Variants in ELP4 observed in about 807,000 individuals in gnomAD.
ELP4 encodes elongator acetyltransferase complex subunit 4, also known as elongator complex protein 4.
Under a neutral mutation model 48.9 loss-of-function variants are expected in ELP4, and 51 were observed. The ratio of observed to expected loss-of-function variants is 1.04; its 90% confidence interval spans 0.83 to 1.32. ELP4 has a LOEUF of 1.32. Ranked by LOEUF, ELP4 falls within the 40% of genes most tolerant of loss-of-function variation. The probability of loss-of-function intolerance (pLI) is 0.00; values close to 1 mark genes in which losing one functional copy is unlikely to be tolerated. For missense variants in ELP4, 519 were observed against 514.6 expected, an observed-to-expected ratio of 1.01 and a Z score of -0.08; for synonymous variants, 210 against 189.2, an observed-to-expected ratio of 1.11 and a Z score of -0.90.
chr11:31,512,192 A>G (rs1956022547), intron 1 of ELP4: 2 of 152,204 alleles, frequency 1.3e-5, no homozygotes, highest in Admixed American at 1.3e-4. Flanking sequence ...GGTAATGATA[A>G]TAGGATGTTA....
At chr11:31,654,577 T>A (rs1014443606) in intron 9 of ELP4, 22 of 151,846 alleles carry the variant, frequency 1.4e-4, no homozygotes, top group African/African-American at 5.3e-4. Flanking sequence ...ATAATTATAT[T>A]GCCATATAAC....
At chr11:31,606,455 C>T (rs1441585065) in intron 5 of ELP4, among the ~76,000 whole-genome samples, 1 of 151,908 alleles carries the variant, frequency 6.6e-6, no homozygotes, top group African/African-American at 2.4e-5. Context: ...TCTGAAGGTG[C>T]TCTTAAAACA....
At chr11:31,623,375 AT>A (rs1565084172) in intron 5 of ELP4, among the ~76,000 whole-genome samples, 11 of 112,934 alleles carry the variant, frequency 9.7e-5, no homozygotes, top group African/African-American at 1.4e-4. Context: ...ATATATATAT[AT>A]ATATATATAT....
chr11:31,662,445 A>ATGT (rs971356502), intron 9 of ELP4: 77 of 393,922 alleles, frequency 2.0e-4, no homozygotes, highest in East Asian at 1.1e-3. Context: ...ATCCAGCTCC[A>ATGT]TGTTGTTGTT....
intron 5 of ELP4, among the ~76,000 whole-genome samples, chr11:31,608,214 C>T (rs929036431): frequency 5.3e-5 from 8 of 151,708 alleles, no homozygotes; most frequent in Non-Finnish European, 7.4e-5. Flanking sequence ...GGTCGATTAC[C>T]GTATAGTGGG....
intron 9 of ELP4, among the ~76,000 whole-genome samples, chr11:31,782,929 AC>A (rs1948411345): frequency 6.6e-6 from 1 of 152,228 alleles, no homozygotes; most frequent in Non-Finnish European, 1.5e-5. Flanking sequence ...ATAGACAAAG[AC>A]AAACAAGTAT....
chr11:31,707,598 T>G (rs1325763477), intron 9 of ELP4, among the ~76,000 whole-genome samples: 1 of 152,182 alleles, frequency 6.6e-6, no homozygotes, highest in African/African-American at 2.4e-5. Context: ...GTGACTAATT[T>G]TATATTATTT....
intron 9 of ELP4, among the ~76,000 whole-genome samples, chr11:31,674,850 C>G (rs1420929427): frequency 6.6e-6 from 1 of 152,154 alleles, no homozygotes; most frequent in East Asian, 1.9e-4. Flanking sequence ...AATTAACATT[C>G]TGTCCATATT....
intron 9 of ELP4, among the ~76,000 whole-genome samples, chr11:31,735,773 A>G (rs1302339723): frequency 1.4e-4 from 21 of 152,284 alleles, no homozygotes; most frequent in Non-Finnish European, 2.6e-4. Flanking sequence ...TACAAGAGAT[A>G]TGAAGGACCT....
At chr11:31,567,918 G>T (rs894157974) in intron 3 of ELP4, among the ~76,000 whole-genome samples, 16 of 152,174 alleles carry the variant, frequency 1.1e-4, no homozygotes, top group African/African-American at 3.9e-4. Flanking sequence ...ACAGGTTGGG[G>T]TGACTGTGGT....
At chr11:31,692,063 A>G (rs1360559367) in intron 9 of ELP4, among the ~76,000 whole-genome samples, 1 of 152,156 alleles carries the variant, frequency 6.6e-6, no homozygotes, top group Non-Finnish European at 1.5e-5. Context: ...TGGTTTTCAA[A>G]TTTTTAAGCT....
chr11:31,510,762 G>A, intron 1 of ELP4: 1 of 176,530 alleles, frequency 5.7e-6, no homozygotes, highest in Middle Eastern at 2.4e-3. Context: ...AATTTTTTAT[G>A]AGAAGCCTGC....
At chr11:31,599,200 G>A (rs1159503398) in intron 4 of ELP4, 4 of 152,104 alleles carry the variant, frequency 2.6e-5, no homozygotes, top group Admixed American at 1.3e-4. Flanking sequence ...ATTAAACTGA[G>A]CTAAGACACA....
intron 3 of ELP4, among the ~76,000 whole-genome samples, chr11:31,560,700 A>G (rs1457967317): frequency 6.8e-6 from 1 of 147,644 alleles, no homozygotes; most frequent in Non-Finnish European, 1.5e-5. Context: ...TTATATATAT[A>G]TAAAACAACG....
At chr11:31,734,079 T>A (rs544107045) in intron 9 of ELP4, among the ~76,000 whole-genome samples, 19 of 152,318 alleles carry the variant, frequency 1.2e-4, no homozygotes, top group African/African-American at 4.6e-4. Context: ...CATTATTGAA[T>A]TTGATACATC....
At chr11:31,516,771 C>T (rs1344024185) in intron 1 of ELP4, among the ~76,000 whole-genome samples, 2 of 152,030 alleles carry the variant, frequency 1.3e-5, no homozygotes, top group Admixed American at 6.6e-5. Flanking sequence ...GGATTATAGC[C>T]GTGAGCCACT....
intron 2 of ELP4, among the ~76,000 whole-genome samples, chr11:31,539,348 C>T (rs1956555983): frequency 1.3e-5 from 2 of 152,056 alleles, no homozygotes; most frequent in South Asian, 4.2e-4. Flanking sequence ...GCCTGCTACT[C>T]GGGAGGCTGA....
chr11:31,582,353 A>C (rs771340753), intron 3 of ELP4, among the ~76,000 whole-genome samples: 20 of 152,102 alleles, frequency 1.3e-4, no homozygotes, highest in Non-Finnish European at 2.6e-4. Context: ...ATTATTATTG[A>C]TCTTTTATTC....
chr11:31,667,397 A>T (rs1945703220), intron 9 of ELP4, among the ~76,000 whole-genome samples: 1 of 152,216 alleles, frequency 6.6e-6, no homozygotes, highest in Non-Finnish European at 1.5e-5. Flanking sequence ...TCAAATAACC[A>T]TCAACTTTAT....
Sources: allele counts gnomAD v4.1 joint callset (sites outside exome capture counted in the v4.1 genomes callset), GRCh38; gene constraint gnomAD v4.1.1; transcripts MANE v1.5; gene names NCBI Gene and HGNC (gene_info 2026-07-23, HGNC 2026-07-21).